Variants in WWTR1 observed in about 807,000 individuals in gnomAD.
WWTR1 encodes WW domain-containing transcription regulator protein 1.
Under a neutral mutation model 40.1 loss-of-function variants are expected in WWTR1, and 13 were observed. The ratio of observed to expected loss-of-function variants is 0.32; its 90% CI spans 0.21 to 0.52. The LOEUF is 0.52. Ranked by LOEUF, WWTR1 falls within the 20% of genes least tolerant of loss-of-function variation. The probability of loss-of-function intolerance (pLI) is 0.97; values close to 1 mark genes in which losing one functional copy is unlikely to be tolerated. For missense variants in WWTR1, 436 were observed against 523.1 expected (o/e 0.83, Z 1.63); for synonymous variants, 230 against 210.1 (o/e 1.09, Z -0.82).
intron 2 of WWTR1, among the ~76,000 whole-genome samples, chr3:149,625,372 C>T (rs1162212701): frequency 1.3e-5 from 2 of 151,772 alleles, no homozygotes; most frequent in Non-Finnish European, 2.9e-5. Flanking sequence ...CCCGCCTAAG[C>T]CTCCCAAAAT....
intron 1 of WWTR1, chr3:149,701,808 T>G (rs1193995093): frequency 5.7e-6 from 1 of 175,432 alleles, no homozygotes; most frequent in Non-Finnish European, 1.2e-5. Flanking sequence ...GCCCTTGTGC[T>G]TGCCTTCTGG....
chr3:149,578,425 C>T (rs2108008070), intron 2 of WWTR1, among the ~76,000 whole-genome samples: 1 of 152,332 alleles, frequency 6.6e-6, no homozygotes, highest in South Asian at 2.1e-4. Context: ...CCCAAACTCA[C>T]TCAGCAGTGA....
rs1015135346 is a variant in WWTR1 at position 149,526,432 on chromosome 3, A to G, written c.906-307T>C. On this transcript the variant is annotated intron_variant, in intron 5 of 6. Coordinates refer to ENST00000360632, the MANE Select transcript of WWTR1 (RefSeq NM_015472.6). ...ACTTTAAAAAAAAAAAACAAAAACTATGTTGAATATTGCTTATGGATACAT... is the reference window on the plus strand; with the variant it reads ...ACTTTAAAAAAAAAAAACAAAAACTGTGTTGAATATTGCTTATGGATACAT... Among the ~76,000 whole-genome samples, 7 of 152,068 alleles carry G rather than the reference A, an allele frequency of 4.6e-5. No homozygotes were observed. In the South Asian group the frequency reaches 1.5e-3, roughly 32 times the overall value.
Position 149,572,915 on chromosome 3 carries a change from T to G in WWTR1, c.517A>C (p.Ser173Arg), listed in dbSNP as rs1332258503. The G allele has an allele frequency of 1.2e-6, 2 of 1,614,052 alleles. No homozygotes were observed. Among genetic ancestry groups the G allele is most frequent in the South Asian group, 1.1e-5 (1 of 91,042 alleles). The change falls in exon 3 of 7, where the codon AGT (serine) becomes CGT (arginine). Residue 173 changes from serine to arginine, a missense_variant. By Grantham distance (110) the Ser-to-Arg change is moderately radical (BLOSUM62 -1). Coordinates refer to ENST00000360632, the MANE Select transcript of WWTR1 (RefSeq NM_015472.6). ...LNHMNLHPAV[S>R]STPVPQRSMA... is the part of the protein sequence containing the mutation. ...GACCTCTGAGGCACTGGTGTGGAAC[T>G]GACGGCAGGGTGGAGGTTCATATGA...
chr3:149,574,575 CTTTCG>C (rs967241560), intron 2 of WWTR1, among the ~76,000 whole-genome samples: 1 of 152,124 alleles, frequency 6.6e-6, no homozygotes, highest in Non-Finnish European at 1.5e-5. Flanking sequence ...ACCACTTTTA[CTTTCG>C]TTATGTTTAA....
chr3:149,594,904 T>C (rs1481623913), intron 2 of WWTR1, among the ~76,000 whole-genome samples: 3 of 149,886 alleles, frequency 2.0e-5, no homozygotes, highest in Admixed American at 6.7e-5. Context: ...AAATGCATTC[T>C]AAAGTACTTA....
At chr3:149,545,484 C>T (rs564507379) in intron 3 of WWTR1, among the ~76,000 whole-genome samples, 280 of 152,208 alleles carry the variant, frequency 1.8e-3, no homozygotes, top group African/African-American at 6.1e-3. Context: ...GTTAGGAAAA[C>T]AAGGCTTCAA....
At chr3:149,568,359 C>A (rs550465734) in intron 3 of WWTR1, among the ~76,000 whole-genome samples, 64 of 152,102 alleles carry the variant, frequency 4.2e-4, no homozygotes, top group African/African-American at 1.4e-3. Flanking sequence ...CCAAGGTCGT[C>A]TTTTCTTCTT....
intron 1 of WWTR1, among the ~76,000 whole-genome samples, chr3:149,674,153 A>C (rs1015732780): frequency 6.6e-6 from 1 of 151,680 alleles, no homozygotes; most frequent in African/African-American, 2.4e-5. Flanking sequence ...TGAGGAAGCC[A>C]AGGCAGCAGT....
chr3:149,694,943 A>C (rs1241290530), intron 1 of WWTR1, among the ~76,000 whole-genome samples: 1 of 152,232 alleles, frequency 6.6e-6, no homozygotes, highest in Non-Finnish European at 1.5e-5. Flanking sequence ...GATAGAGAAA[A>C]TATGGTACAC....
chr3:149,702,295 G>A (rs2108224774), intron 1 of WWTR1: 1 of 152,176 alleles, frequency 6.6e-6, no homozygotes, highest in Admixed American at 6.5e-5. Context: ...AATGAACACT[G>A]TACAAACAAT....
intron 1 of WWTR1, among the ~76,000 whole-genome samples, chr3:149,692,604 C>G (rs976211901): frequency 3.3e-5 from 5 of 150,630 alleles, no homozygotes; most frequent in Admixed American, 2.0e-4. Flanking sequence ...AACAAGGATG[C>G]CCACTTTCAC....
chr3:149,711,079 T>G (rs1715467218), intron 5 of WWTR1, among the ~76,000 whole-genome samples: 1 of 150,686 alleles, frequency 6.6e-6, no homozygotes, highest in East Asian at 2.0e-4. Context: ...AAATTGATTA[T>G]ATATTCATTT....
chr3:149,525,922 AT>A lies in WWTR1; in HGVS notation c.1018+90del, dbSNP rs767067532. ...TAAAATAAAAGTTGAAATTATAAAA[AT>A]AAAATAAAAGAAAAATAAAATTGAG... On this transcript the variant is annotated intron_variant, in intron 6 of 6. Coordinates refer to ENST00000360632, the MANE Select transcript of WWTR1 (RefSeq NM_015472.6). 4.1e-5 allele frequency: 30 copies of A among 724,064 alleles called. No homozygotes were observed. The East Asian group carries it at 9.0e-4, about 22-fold the overall frequency. The allele number at this position is 724,064 out of a possible 1,614,324, so 44.9% of individuals were successfully genotyped here.
rs578007126 is a variant in WWTR1 at position 149,677,699 on chromosome 3, G to A, written c.-107-7808C>T. ...CTACTAAAAATACAAAATCAACGCG[G>A]TGTCGTGACGCGTGCCTATAATCCC... On this transcript the variant is annotated intron_variant, in intron 1 of 7. Transcript: ENST00000465804. 9.2e-5 allele frequency among the ~76,000 whole-genome samples: 14 copies of A among 152,260 alleles called. No individual in the cohort carries two copies. The South Asian group carries it at 2.7e-3, about 29-fold the overall frequency.
At chr3:149,686,537 C>A (rs575348112) in intron 1 of WWTR1, among the ~76,000 whole-genome samples, 63 of 151,944 alleles carry the variant, frequency 4.1e-4, no homozygotes, top group South Asian at 1.5e-3. Flanking sequence ...CCATCTCTCT[C>A]TATATATATA....
intron 1 of WWTR1, among the ~76,000 whole-genome samples, chr3:149,695,323 C>A (rs1714949025): frequency 6.6e-6 from 1 of 151,932 alleles, no homozygotes; most frequent in South Asian, 2.1e-4. Flanking sequence ...ATGTTTATAT[C>A]ACAGAGAAAT....
chr3:149,573,122 A>T (rs542826754), intron 2 of WWTR1, 122 bp from the exon 3 acceptor site: 2 of 1,114,968 alleles, frequency 1.8e-6, no homozygotes, highest in Admixed American at 5.6e-5. Context: ...AGTGGTTGAT[A>T]GATTGTGCTT....
chr3:149,665,715 A>T, intron 2 of WWTR1, among the ~76,000 whole-genome samples: 1 of 152,230 alleles, frequency 6.6e-6, no homozygotes, highest in East Asian at 1.9e-4. Flanking sequence ...TACTATCATT[A>T]TAACTTTGTT....
Sources: gnomAD v4.1 joint callset for allele counts (sites outside exome capture counted in the v4.1 genomes callset) on GRCh38, gnomAD v4.1.1 for gene constraint, MANE v1.5 for transcripts, NCBI Gene and HGNC (gene_info 2026-07-23, HGNC 2026-07-21) for gene names.